HACD2: variants seen among roughly 807,000 people sequenced by gnomAD.
The protein encoded by HACD2 is very-long-chain (3R)-3-hydroxyacyl-CoA dehydratase 2.
Under a neutral mutation model 31.0 loss-of-function variants are expected in HACD2, and 15 were observed. The ratio of observed to expected loss-of-function variants is 0.48; its 90% CI spans 0.32 to 0.75. The LOEUF (loss-of-function observed/expected upper bound fraction) is 0.75, where lower values mean the gene tolerates loss of function less well. Ranked by LOEUF, HACD2 falls within the 30% of genes least tolerant of loss-of-function variation. The pLI is 0.03. For synonymous variants in HACD2, 115 were observed against 122.2 expected, an observed-to-expected ratio of 0.94 and a Z score of 0.39; for missense variants, 283 against 313.0, an observed-to-expected ratio of 0.90 and a Z score of 0.72.
chr3:123,561,313 G>A (rs2056726891), intron 3 of HACD2, among the ~76,000 whole-genome samples: 1 of 152,126 alleles, frequency 6.6e-6, no homozygotes, highest in African/African-American at 2.4e-5. Context: ...TTAATAAAGT[G>A]TCTTCTGTTT....
In HACD2 at chr3:123,493,774, T is replaced by C. The variant is rs886233088; in HGVS notation, c.*1114A>G. The C allele has an allele frequency of 8.5e-5, 13 of 152,236 alleles. No individual in the cohort carries two copies. Among genetic ancestry groups the C allele is most frequent in the Non-Finnish European group, 2.9e-5 (2 of 68,052 alleles). The allele number at this position is 152,236 out of a possible 1,614,324, so 9.4% of individuals were successfully genotyped here. ...TCCAACATGCGGAGATGACACTGCTTTTAGCTCATGACAGCCCAAGGGGAA... is the reference window on the plus strand; with the variant it reads ...TCCAACATGCGGAGATGACACTGCTCTTAGCTCATGACAGCCCAAGGGGAA... On this transcript the variant is annotated 3_prime_UTR_variant, in exon 7 of 7. Transcript: ENST00000383657.
At chr3:123,532,638 C>A (rs1226258575) in intron 3 of HACD2, among the ~76,000 whole-genome samples, 1 of 151,926 alleles carries the variant, frequency 6.6e-6, no homozygotes, top group Non-Finnish European at 1.5e-5. Flanking sequence ...TGAGACCAAC[C>A]TGGCCCCTGG....
chr3:123,537,419 A>G (rs1355919418), intron 3 of HACD2, among the ~76,000 whole-genome samples: 1 of 152,074 alleles, frequency 6.6e-6, no homozygotes. Flanking sequence ...TTTTTAAAAA[A>G]TAGCCGGGCA....
At chr3:123,504,591 G>C (rs1013611340) in intron 4 of HACD2, among the ~76,000 whole-genome samples, 1 of 150,826 alleles carries the variant, frequency 6.6e-6, no homozygotes, top group South Asian at 2.1e-4. Context: ...ACCCAGCCTA[G>C]AGATTGGTTA....
At chr3:123,498,968 G>C (rs2055870119) in intron 6 of HACD2, among the ~76,000 whole-genome samples, 1 of 152,190 alleles carries the variant, frequency 6.6e-6, no homozygotes, top group South Asian at 2.1e-4. Context: ...CTGGGGAGTG[G>C]TTCCTGGAAG....
intron 4 of HACD2, among the ~76,000 whole-genome samples, chr3:123,526,050 C>T (rs2056279365): frequency 6.6e-6 from 1 of 151,702 alleles, no homozygotes; most frequent in African/African-American, 2.4e-5. Flanking sequence ...AGAGCAAGCA[C>T]TGGCCTCTGA....
At chr3:123,550,154 C>A (rs9874618) in intron 3 of HACD2, among the ~76,000 whole-genome samples, 5,221 of 152,230 alleles carry the variant, frequency 0.034, 90 homozygotes, top group Middle Eastern at 0.089. Context: ...ACAACAACAA[C>A]AAAAAGAAGT....
At chr3:123,530,197 T>TCAAA (rs561113682) in intron 3 of HACD2, among the ~76,000 whole-genome samples, 10 of 152,012 alleles carry the variant, frequency 6.6e-5, no homozygotes, top group East Asian at 1.9e-4. Context: ...TTCTTTGATT[T>TCAAA]CAAACAAACA....
At chr3:123,521,195 T>C (rs2056210262) in intron 4 of HACD2, among the ~76,000 whole-genome samples, 2 of 152,164 alleles carry the variant, frequency 1.3e-5, no homozygotes, top group African/African-American at 2.4e-5. Flanking sequence ...GGAGACCCCA[T>C]GGATACATCC....
chr3:123,494,407 T>C lies in HACD2; in HGVS notation c.*481A>G, dbSNP rs964976339. On this transcript the variant is annotated 3_prime_UTR_variant, in exon 7 of 7. Transcript: ENST00000383657. ...TTCAGAGCATTCCAGAGAACAGAGT[T>C]TGCCGCTTCAAAAATACAAAGTTTC... 2.2e-5 allele frequency: 4 copies of C among 181,800 alleles called. No homozygotes were observed. Among genetic ancestry groups the C allele is most frequent in the Non-Finnish European group, 4.5e-5 (4 of 89,446 alleles). The allele number at this position is 181,800 out of a possible 1,614,324, so 11.3% of individuals were successfully genotyped here.
intron 3 of HACD2, among the ~76,000 whole-genome samples, chr3:123,566,458 A>G (rs1431517104): frequency 6.6e-6 from 1 of 151,626 alleles, no homozygotes; most frequent in East Asian, 2.0e-4. Flanking sequence ...CTCGTTTTTT[A>G]TTTTTTGTAG....
chr3:123,570,361 A>G (rs1210625477), intron 2 of HACD2, among the ~76,000 whole-genome samples: 2 of 152,238 alleles, frequency 1.3e-5, no homozygotes, highest in South Asian at 4.1e-4. Flanking sequence ...TACATAGTAA[A>G]TTATGAAAAT....
chr3:123,543,603 C>A, intron 3 of HACD2: 1 of 320,008 alleles, frequency 3.1e-6, no homozygotes, highest in South Asian at 2.6e-5. Flanking sequence ...AAAAAATAAA[C>A]TCATTTAAAG....
chr3:123,503,878 T>A (rs1037569502), intron 4 of HACD2, among the ~76,000 whole-genome samples: 1 of 152,244 alleles, frequency 6.6e-6, no homozygotes, highest in South Asian at 2.1e-4. Context: ...CCATTTGCAA[T>A]GTTAATAGTT....
Position 123,575,849 on chromosome 3 carries a change from A to C in HACD2, c.273+6363T>G, listed in dbSNP as rs1010923917. ...TGTTTAAGTACTCAGGAAGGGAAGA[A>C]ATTTTTTTGTTGTGGAACACCATAA... On this transcript the variant is annotated intron_variant, in intron 2 of 6. Transcript: ENST00000383657. Among the ~76,000 whole-genome samples the C allele has an allele frequency of 3.3e-5, 5 of 152,156 alleles. No individual in the cohort carries two copies. In the East Asian group the frequency reaches 9.6e-4, roughly 29 times the overall value.
Position 123,549,500 on chromosome 3 carries a change from C to A in HACD2, c.292+18262G>T, listed in dbSNP as rs9869755. ...CGGTGGCTCATGTCTGTAATCCCAG[C>A]ACTTTGGGAAGTCAGGGCAGGCACA... On this transcript the variant is annotated intron_variant, in intron 3 of 6. Coordinates refer to ENST00000383657, the MANE Select transcript of HACD2 (RefSeq NM_198402.5). Among the ~76,000 whole-genome samples the A allele has an allele frequency of 5.3e-3, 807 of 152,294 alleles. 2 individuals are homozygous for A. Among genetic ancestry groups the A allele is most frequent in the African/African-American group, 0.019 (790 of 41,560 alleles).
chr3:123,534,029 AGTGTGTGT>A lies in HACD2; in HGVS notation c.293-5563_293-5556del, dbSNP rs62840760. 3.3e-3 allele frequency among the ~76,000 whole-genome samples: 502 copies of A among 149,954 alleles called. 4 individuals are homozygous for A. The highest frequency in any genetic ancestry group is 0.014 in the Middle Eastern group (4 of 292). Reference sequence around the variant, plus strand: ...CTGGCAGATAAAAGAAACATAGTGGAGTGTGTGTGTGTGTGTGTGTGTGAAGCAAAAGC... The same window carrying A: ...CTGGCAGATAAAAGAAACATAGTGGAGTGTGTGTGTGTGTGAAGCAAAAGC... On this transcript the variant is annotated intron_variant, in intron 3 of 6. Transcript: ENST00000383657.
intron 6 of HACD2, among the ~76,000 whole-genome samples, chr3:123,496,825 T>C (rs1407242999): frequency 1.3e-5 from 2 of 152,140 alleles, no homozygotes; most frequent in African/African-American, 2.4e-5. Context: ...CACAACCCCA[T>C]AGTGGGTGGC....
At position 123,517,981 on chromosome 3, in the gene HACD2, AGG is replaced by A. The variant is rs1360815194; in HGVS notation, c.381+10403_381+10404del. 7.2e-3 allele frequency among the ~76,000 whole-genome samples: 102 copies of A among 14,154 alleles called. 45 individuals are homozygous for A. In the East Asian group the frequency reaches 1, roughly 139 times the overall value. The allele number at this position is 14,154 out of a possible 152,430, so 9.3% of individuals were successfully genotyped here. On this transcript the variant is annotated intron_variant, in intron 4 of 6. Coordinates refer to ENST00000383657, the MANE Select transcript of HACD2 (RefSeq NM_198402.5). ...GCCGAGGCGGGCGGATCACGAGGTC[AGG>A]AGATCGAGACCATCCCGGCTAAAAC... is the stretch of plus-strand genomic sequence containing the variant.
Sources: allele counts gnomAD v4.1 joint callset (sites outside exome capture counted in the v4.1 genomes callset), GRCh38; gene constraint gnomAD v4.1.1; transcripts MANE v1.5; gene names NCBI Gene and HGNC (gene_info 2026-07-23, HGNC 2026-07-21).